Variants in AKAP6 observed in about 807,000 individuals in gnomAD.
AKAP6 encodes the protein A-kinase anchoring protein 6, also known as A-kinase anchor protein 6.
In AKAP6, 58 loss-of-function variants were observed where a neutral mutation model predicts 188.5. That is an observed-to-expected ratio of 0.31 (90% CI 0.25 to 0.38). The LOEUF is 0.38. Ranked by LOEUF, AKAP6 falls within the 10% of genes least tolerant of loss-of-function variation. AKAP6 has a pLI of 1.00. For synonymous variants in AKAP6, 989 were observed against 998.6 expected (o/e 0.99, Z 0.18); for missense variants, 2,710 against 2,740.0 (o/e 0.99, Z 0.24).
chr14:32,546,428 T>C lies in AKAP6; in HGVS notation c.1775T>C (p.Met592Thr), dbSNP rs1228412398. 2 of 1,614,206 alleles carry C rather than the reference T, an allele frequency of 1.2e-6. No homozygotes were observed. The highest frequency in any genetic ancestry group is 2.2e-5 in the East Asian group (1 of 44,882). Residue 592 changes from methionine to threonine, a missense_variant, in exon 4 of 14, where the codon ATG becomes ACG. Met to Thr is a moderately conservative substitution (Grantham distance 81). Coordinates refer to ENST00000280979, the MANE Select transcript of AKAP6 (RefSeq NM_004274.5). Reference protein sequence around the residue: ...SESSVGSDNIMSPVPLLSKHK... With the variant: ...SESSVGSDNITSPVPLLSKHK... The stretch of plus-strand genomic sequence containing the variant: ...TCCTCTGTTGGCTCAGACAACATCA[T>C]GTCTCCGGTGCCACTTCTTTCAAAA...
intron 7 of AKAP6, among the ~76,000 whole-genome samples, chr14:32,635,754 T>C (rs1440632775): frequency 6.6e-6 from 1 of 152,138 alleles, no homozygotes; most frequent in East Asian, 1.9e-4. Flanking sequence ...TAAAGAATGT[T>C]GAAAATGAGT....
intron 1 of AKAP6, among the ~76,000 whole-genome samples, chr14:32,363,680 A>C (rs1309877180): frequency 3.3e-5 from 5 of 152,232 alleles, no homozygotes; most frequent in African/African-American, 7.2e-5. Context: ...TATTCTAGCC[A>C]TGCTGGCAGC....
chr14:32,746,053 C>T (rs4982003), intron 11 of AKAP6, among the ~76,000 whole-genome samples: 64,376 of 151,842 alleles, frequency 0.42, 15,033 homozygotes, highest in South Asian at 0.64. Flanking sequence ...CTGGGACTCA[C>T]CTTTCAGGGA....
rs530652945 is a variant in AKAP6, at chr14:32,336,575, C to A, written c.-35+7167C>A. ...TACATTTAACATGGTGTTGGCTGGG[C>A]TGTGCATACAGATGGTCATGATTAG... is the stretch of plus-strand genomic sequence containing the variant. On this transcript the variant is annotated intron_variant, in intron 1 of 13. Transcript: ENST00000280979. Among the ~76,000 whole-genome samples the A allele has an allele frequency of 2.7e-4, 41 of 152,270 alleles. 1 individual carries two copies. Among genetic ancestry groups the A allele is most frequent in the South Asian group, 2.3e-3 (11 of 4,826 alleles).
chr14:32,466,290 A>C (rs1378537870), intron 2 of AKAP6, among the ~76,000 whole-genome samples: 2 of 152,206 alleles, frequency 1.3e-5, no homozygotes, highest in East Asian at 3.8e-4. Flanking sequence ...TGTTTACTGC[A>C]GCACTATTTA....
chr14:32,543,680 T>G (rs1956224), intron 3 of AKAP6, among the ~76,000 whole-genome samples: 34,796 of 151,954 alleles, frequency 0.23, 4,453 homozygotes, highest in African/African-American at 0.33. Context: ...ATTTGCAATT[T>G]GTGTAGGTTA....
intron 4 of AKAP6, among the ~76,000 whole-genome samples, chr14:32,547,619 G>T (rs144430433): frequency 6.6e-6 from 1 of 152,126 alleles, no homozygotes; most frequent in East Asian, 1.9e-4. Context: ...TAGATATGAC[G>T]TAATGTTTGA....
At chr14:32,538,517 C>G (rs1017942727) in intron 3 of AKAP6, among the ~76,000 whole-genome samples, 3 of 151,790 alleles carry the variant, frequency 2.0e-5, no homozygotes, top group Admixed American at 6.6e-5. Context: ...AATATATGAA[C>G]TTTATTCTTT....
chr14:32,699,906 C>T (rs962943010), intron 9 of AKAP6, among the ~76,000 whole-genome samples: 3 of 152,196 alleles, frequency 2.0e-5, no homozygotes, highest in South Asian at 2.1e-4. Context: ...ACTAGAGTTA[C>T]GACGCCAGAA....
At chr14:32,593,854 A>G (rs1885582859) in intron 5 of AKAP6, among the ~76,000 whole-genome samples, 1 of 152,148 alleles carries the variant, frequency 6.6e-6, no homozygotes, top group African/African-American at 2.4e-5. Context: ...AGCAGCATTT[A>G]TGTTTTGGGG....
At position 32,823,440 on chromosome 14, in the gene AKAP6, G is replaced by A. The variant is rs201188217; in HGVS notation, c.5627G>A (p.Arg1876His). 2.7e-5 allele frequency: 44 copies of A among 1,613,336 alleles called. No individual in the cohort carries two copies. The highest frequency in any genetic ancestry group is 8.4e-5 in the Admixed American group (5 of 59,848). The change falls in exon 13 of 14, where the codon CGT becomes CAT. Residue 1876 changes from arginine to histidine, a missense_variant. By Grantham distance (29) the Arg-to-His change is conservative. This residue lies in a region of AKAP6 where 2,473 missense variants were observed against 2,426.1 expected (regional missense o/e 1.02). Transcript: ENST00000280979. ...SSHTHELGTK[R>H]ENKKTIFKVN... ...CATACCCATGAGTTAGGGACAAAGC[G>A]TGAAAATAAGAAAACTATTTTCAAA...
intron 2 of AKAP6, among the ~76,000 whole-genome samples, chr14:32,519,545 C>A (rs1488153105): frequency 1.3e-5 from 2 of 152,058 alleles, no homozygotes; most frequent in Non-Finnish European, 2.9e-5. Context: ...GGGTTGCAAT[C>A]TTAGTCTCTG....
intron 1 of AKAP6, among the ~76,000 whole-genome samples, chr14:32,350,401 A>C (rs1887226585): frequency 6.6e-6 from 1 of 152,184 alleles, no homozygotes; most frequent in Non-Finnish European, 1.5e-5. Flanking sequence ...TTCTAGGGAT[A>C]CTTGGCCTGT....
chr14:32,570,627 G>T (rs6571538), intron 4 of AKAP6, among the ~76,000 whole-genome samples: 115,644 of 151,996 alleles, frequency 0.76, 44,794 homozygotes, highest in East Asian at 0.9. Context: ...ATACTTTTCC[G>T]ATTGTCCTCA....
chr14:32,639,447 A>G (rs1369389651), intron 7 of AKAP6, among the ~76,000 whole-genome samples: 1 of 152,118 alleles, frequency 6.6e-6, no homozygotes, highest in Non-Finnish European at 1.5e-5. Context: ...ATAGCACAAC[A>G]ATCCCAATAA....
intron 4 of AKAP6, among the ~76,000 whole-genome samples, chr14:32,559,701 T>A (rs1239467070): frequency 6.6e-6 from 1 of 151,136 alleles, no homozygotes; most frequent in African/African-American, 2.4e-5. Flanking sequence ...TAAATCAGAA[T>A]CCCTGGGGTT....
At chr14:32,487,146 T>C (rs10143778) in intron 2 of AKAP6, among the ~76,000 whole-genome samples, 102,292 of 152,178 alleles carry the variant, frequency 0.67, 35,866 homozygotes, top group East Asian at 0.89. Flanking sequence ...TTGAACCAGC[T>C]TTGCATCCCA....
chr14:32,829,064 G>T (rs1287281514), intron 13 of AKAP6, among the ~76,000 whole-genome samples: 2 of 152,140 alleles, frequency 1.3e-5, no homozygotes, highest in Non-Finnish European at 2.9e-5. Flanking sequence ...CTGGTCAGGG[G>T]GACTTACAAT....
chr14:32,341,533 C>T (rs1264632903), intron 1 of AKAP6, among the ~76,000 whole-genome samples: 4 of 152,172 alleles, frequency 2.6e-5, no homozygotes, highest in African/African-American at 9.7e-5. Context: ...GTGCAAAGAG[C>T]ACACAGGGTC....
Sources: gnomAD v4.1 joint callset for allele counts (sites outside exome capture counted in the v4.1 genomes callset) on GRCh38, gnomAD v4.1.1 for gene constraint, gnomAD v4.1.1 regional missense constraint, MANE v1.5 for transcripts, NCBI Gene and HGNC (gene_info 2026-07-23, HGNC 2026-07-21) for gene names.